Variants in NRXN3 observed in about 807,000 individuals in gnomAD.
The protein encoded by NRXN3 is neurexin III.
In NRXN3, 32 loss-of-function variants were observed where a neutral mutation model predicts 137.6. The observed-to-expected ratio is 0.23, with a 90% confidence interval of 0.18 to 0.31. NRXN3 has a LOEUF of 0.31. Ranked by LOEUF, NRXN3 falls within the 10% of genes least tolerant of loss-of-function variation. The probability of loss-of-function intolerance (pLI) is 1.00; values close to 1 mark genes in which losing one functional copy is unlikely to be tolerated. For missense variants in NRXN3, 1,574 were observed against 2,062.5 expected, an observed-to-expected ratio of 0.76 and a Z score of 4.59; for synonymous variants, 798 against 784.5, an observed-to-expected ratio of 1.02 and a Z score of -0.29.
chr14:78,756,118 C>T (rs987015208), intron 8 of NRXN3, among the ~76,000 whole-genome samples: 1 of 152,104 alleles, frequency 6.6e-6, no homozygotes, highest in Non-Finnish European at 1.5e-5. Flanking sequence ...GAGGGCTTCC[C>T]TAGACAATGT....
At chr14:78,733,200 A>G (rs1044187766) in intron 8 of NRXN3, among the ~76,000 whole-genome samples, 1 of 152,146 alleles carries the variant, frequency 6.6e-6, no homozygotes, top group African/African-American at 2.4e-5. Flanking sequence ...AGCTTGGACC[A>G]TGCCTGCTGC....
intron 15 of NRXN3, among the ~76,000 whole-genome samples, chr14:79,163,383 T>C (rs1002989181): frequency 5.3e-5 from 8 of 151,886 alleles, no homozygotes; most frequent in Admixed American, 4.6e-4. Context: ...AAGGAGAAAA[T>C]GGTGGCTTTT....
intron 10 of NRXN3, among the ~76,000 whole-genome samples, chr14:78,829,416 A>C (rs2098975754): frequency 6.6e-6 from 1 of 152,314 alleles, no homozygotes; most frequent in African/African-American, 2.4e-5. Context: ...CCAGTGTATT[A>C]GTGGTAAGAC....
intron 8 of NRXN3, among the ~76,000 whole-genome samples, chr14:78,788,843 A>G (rs2098797032): frequency 6.6e-6 from 1 of 152,120 alleles, no homozygotes; most frequent in Non-Finnish European, 1.5e-5. Flanking sequence ...ACTGAGTCCC[A>G]ACAAGGTTTT....
chr14:79,528,920 GATCA>G (rs1457475181), intron 16 of NRXN3, among the ~76,000 whole-genome samples: 1 of 152,094 alleles, frequency 6.6e-6, no homozygotes, highest in Admixed American at 6.6e-5. Context: ...TCTCATTAAT[GATCA>G]CATCCTGAAC....
At chr14:78,206,468 G>C (rs2062194157) in intron 1 of NRXN3, among the ~76,000 whole-genome samples, 1 of 152,130 alleles carries the variant, frequency 6.6e-6, no homozygotes, top group Non-Finnish European at 1.5e-5. Flanking sequence ...CCTGAGTGGG[G>C]AAGAAACTCT....
chr14:79,679,745 G>C (rs2098660051), intron 17 of NRXN3, among the ~76,000 whole-genome samples: 1 of 152,008 alleles, frequency 6.6e-6, no homozygotes, highest in Non-Finnish European at 1.5e-5. Flanking sequence ...GCGGAATCTG[G>C]GTGCCAGATA....
intron 4 of NRXN3, among the ~76,000 whole-genome samples, chr14:78,442,525 C>T (rs2094293213): frequency 6.6e-6 from 1 of 152,196 alleles, no homozygotes; most frequent in Admixed American, 6.5e-5. Context: ...TTCTGCTGTT[C>T]TAAGCCATCC....
At chr14:78,773,792 A>ATTTG (rs747464634) in intron 8 of NRXN3, among the ~76,000 whole-genome samples, 4 of 151,642 alleles carry the variant, frequency 2.6e-5, no homozygotes, top group Admixed American at 2.0e-4. Flanking sequence ...TTATTTACTT[A>ATTTG]TTTGTTTGTT....
At chr14:79,767,507 C>T (rs1296031324) in intron 19 of NRXN3, among the ~76,000 whole-genome samples, 4 of 152,172 alleles carry the variant, frequency 2.6e-5, no homozygotes, top group Admixed American at 2.0e-4. Flanking sequence ...GTCAGTGACA[C>T]ATTTGTGTAA....
At chr14:79,201,169 A>T (rs2065945042) in intron 15 of NRXN3, 1 of 152,154 alleles carries the variant, frequency 6.6e-6, no homozygotes, top group Non-Finnish European at 1.5e-5. Context: ...TGAAATGATG[A>T]TGACCCTTTT....
chr14:78,794,334 A>G (rs917034119), intron 8 of NRXN3, among the ~76,000 whole-genome samples: 2 of 152,356 alleles, frequency 1.3e-5, no homozygotes, highest in East Asian at 3.9e-4. Context: ...GTGAGCCAAG[A>G]TTGCGCCACT....
At chr14:78,228,886 C>T (rs1245972048) in intron 1 of NRXN3, among the ~76,000 whole-genome samples, 1 of 152,036 alleles carries the variant, frequency 6.6e-6, no homozygotes, top group African/African-American at 2.4e-5. Flanking sequence ...AATGTGTCCC[C>T]CAAATGAGTA....
At chr14:79,147,806 G>A (rs779911800) in intron 15 of NRXN3, among the ~76,000 whole-genome samples, 8 of 152,164 alleles carry the variant, frequency 5.3e-5, no homozygotes, top group African/African-American at 7.2e-5. Context: ...TATAAGAATC[G>A]AAGTCCTTTA....
At chr14:78,624,474 G>A (rs2097435042) in intron 4 of NRXN3, among the ~76,000 whole-genome samples, 1 of 152,244 alleles carries the variant, frequency 6.6e-6, no homozygotes, top group East Asian at 1.9e-4. Context: ...CCTGAGAGCT[G>A]GCATGGCAAG....
At chr14:79,514,303 A>C (rs1050395367) in intron 16 of NRXN3, among the ~76,000 whole-genome samples, 5 of 151,602 alleles carry the variant, frequency 3.3e-5, no homozygotes, top group African/African-American at 1.2e-4. Context: ...TTTAGAGTTC[A>C]GTACTGGCCT....
intron 4 of NRXN3, among the ~76,000 whole-genome samples, chr14:78,498,378 G>A (rs191234721): frequency 2.0e-5 from 3 of 152,282 alleles, no homozygotes; most frequent in East Asian, 3.9e-4. Flanking sequence ...CTGCCTTTGT[G>A]CGAATGACTT....
chr14:79,450,636 A>G (rs916480907), intron 15 of NRXN3, among the ~76,000 whole-genome samples: 1 of 152,058 alleles, frequency 6.6e-6, no homozygotes, highest in Non-Finnish European at 1.5e-5. Flanking sequence ...AGGTGGGAGG[A>G]TCTCTTGAGG....
intron 20 of NRXN3, among the ~76,000 whole-genome samples, chr14:79,858,567 C>G (rs928440536): frequency 1.2e-4 from 18 of 151,968 alleles, no homozygotes; most frequent in African/African-American, 3.9e-4. Context: ...TTTGTCATTG[C>G]CATAAGGAAC....
Sources: allele counts gnomAD v4.1 joint callset (sites outside exome capture counted in the v4.1 genomes callset), GRCh38; gene constraint gnomAD v4.1.1; transcripts MANE v1.5; gene names NCBI Gene and HGNC (gene_info 2026-07-23, HGNC 2026-07-21).